PIP4P2: variants seen among roughly 807,000 people sequenced by gnomAD.
PIP4P2 encodes type 2 phosphatidylinositol 4,5-bisphosphate 4-phosphatase.
Under a neutral mutation model 33.3 loss-of-function variants are expected in PIP4P2, and 19 were observed. That is an observed-to-expected ratio of 0.57 (90% CI 0.40 to 0.84). PIP4P2 has a LOEUF of 0.84. PIP4P2 is among the 40% of genes least tolerant of loss of function. The pLI is 0.00. For synonymous variants in PIP4P2, 110 were observed against 111.9 expected, an observed-to-expected ratio of 0.98 and a Z score of 0.11; for missense variants, 270 against 324.7, an observed-to-expected ratio of 0.83 and a Z score of 1.29.
At chr8:91,040,623 A>G in intron 1 of PIP4P2, 21 bp downstream of exon 1, 1 of 1,613,098 alleles carries the variant, frequency 6.2e-7, no homozygotes, top group Non-Finnish European at 8.5e-7. Flanking sequence ...TGCAAAGTAG[A>G]GGGATCTACG....
Position 90,995,816 on chromosome 8 carries a change from C to A in PIP4P2, c.635G>T (p.Gly212Val), listed in dbSNP as rs73694351. The A allele has an allele frequency of 1.7e-4, 278 of 1,594,556 alleles. No individual in the cohort carries two copies. The African/African-American group carries it at 3.6e-3, about 21-fold the overall frequency. ...CIFIGVGLTV[G>V]TPDFARRFRA... ...AAATCGCCTTGCAAAATCTGGGGTGCCAACCTAAAATAAAAAGCAATATAA... is the reference window on the plus strand; with the variant it reads ...AAATCGCCTTGCAAAATCTGGGGTGACAACCTAAAATAAAAAGCAATATAA... Residue 212 changes from glycine (G) to valine (V), a missense_variant, in exon 7 of 7, where the codon GGC becomes GTC. Gly to Val is a moderately radical substitution (Grantham distance 109, BLOSUM62 -3). Coordinates refer to ENST00000285419, the MANE Select transcript of PIP4P2 (RefSeq NM_018710.3).
chr8:91,018,446 G>T lies in PIP4P2; in HGVS notation c.430C>A (p.Pro144Thr), dbSNP rs1275223371. 6.2e-7 allele frequency: 1 copy of T among 1,613,908 alleles called. No individual in the cohort carries two copies. The highest frequency in any genetic ancestry group is 8.5e-7 in the Non-Finnish European group (1 of 1,179,936). ...SEEQPAQPAL[P>T]IQPEGTRVVC... ...ACCCTTGTACCTTCTGGTTGGATTG[G>T]CAATGCAGGCTGAGCTGGTTGTTCT... is the stretch of plus-strand genomic sequence containing the variant. Residue 144 changes from proline to threonine, a missense_variant, in exon 4 of 7, where the codon CCA becomes ACA. Coordinates refer to ENST00000285419, the MANE Select transcript of PIP4P2 (RefSeq NM_018710.3).
Position 91,021,386 on chromosome 8 carries a change from T to A in PIP4P2, c.125A>T (p.Tyr42Phe), listed in dbSNP as rs780923151. The A allele has an allele frequency of 1.2e-6, 2 of 1,613,770 alleles. No individual in the cohort carries two copies. The highest frequency in any genetic ancestry group is 2.2e-5 in the South Asian group (2 of 91,068). ...GGCGTCTGGACTGGCAATGGCTGTA[T>A]ATGGAGGTGGGAGCTCCGCTGAAAA... ...SSPRAELPPP[Y>F]TAIASPDASG... is the part of the protein sequence containing the mutation. Residue 42 changes from tyrosine to phenylalanine, a missense_variant, in exon 2 of 7, where the codon TAT becomes TTT. Tyr to Phe is a conservative substitution (Grantham distance 22). Transcript: ENST00000285419.
intron 3 of PIP4P2, 27 bp downstream of exon 3, chr8:91,020,130 A>C (rs781416051): frequency 1.2e-6 from 2 of 1,603,200 alleles, no homozygotes; most frequent in Non-Finnish European, 1.7e-6. Context: ...AAATGAATGA[A>C]TCAATGAATT....
At chr8:91,040,296 C>T (rs1586190121) in intron 1 of PIP4P2, among the ~76,000 whole-genome samples, 1 of 152,268 alleles carries the variant, frequency 6.6e-6, no homozygotes, top group East Asian at 1.9e-4. Context: ...CCTAGCTGCG[C>T]TTAGGGGCTG....
At chr8:91,026,244 T>G (rs1430821489) in intron 1 of PIP4P2, among the ~76,000 whole-genome samples, 1 of 152,134 alleles carries the variant, frequency 6.6e-6, no homozygotes, top group Non-Finnish European at 1.5e-5. Flanking sequence ...TTGCTGTTTC[T>G]CTGAACATCA....
In PIP4P2 at chr8:91,010,252, TTGTAA is replaced by T. The variant is rs76543051; in HGVS notation, c.487-1462_487-1458del. Among the ~76,000 whole-genome samples the T allele has an allele frequency of 5.7e-3, 862 of 152,024 alleles. 1 individual carries two copies. Among genetic ancestry groups the T allele is most frequent in the Non-Finnish European group, 9.6e-3 (651 of 67,806 alleles). On this transcript the variant is annotated intron_variant, in intron 4 of 6. Transcript: ENST00000285419. ...TACAGGCTTAGGATAGTTACTGAAC[TTGTAA>T]TGTCATTTCAAATGTTATTTATAAA...
intron 4 of PIP4P2, 66 bp downstream of exon 4, chr8:91,018,324 C>T (rs1051171610): frequency 1.4e-5 from 23 of 1,603,526 alleles, no homozygotes; most frequent in Non-Finnish European, 1.9e-5. Flanking sequence ...AGACTATGAG[C>T]AGTGCTCTAA....
chr8:91,006,090 A>G (rs7831333), intron 5 of PIP4P2, among the ~76,000 whole-genome samples: 73,424 of 152,110 alleles, frequency 0.48, 20,727 homozygotes, highest in Non-Finnish European at 0.64. Context: ...TCTGTAACTT[A>G]AAACTAATTT....
rs1811621267 is a variant in PIP4P2, at chr8:90,995,781, A to T, written c.670T>A (p.Tyr224Asn). 6.2e-7 allele frequency: 1 copy of T among 1,610,844 alleles called. No individual in the cohort carries two copies. Reference protein sequence around the residue: ...PDFARRFRATYVSWAIAYLLG... With the variant: ...PDFARRFRATNVSWAIAYLLG... ...AGATAAGCAATTGCCCAAGAAACATAGGTTGCTCGAAATCGCCTTGCAAAA... is the reference window on the plus strand; with the variant it reads ...AGATAAGCAATTGCCCAAGAAACATTGGTTGCTCGAAATCGCCTTGCAAAA... The change falls in exon 7 of 7, where the codon TAT becomes AAT. Residue 224 changes from tyrosine to asparagine, a missense_variant. Transcript: ENST00000285419.
In PIP4P2 at chr8:91,033,127, C is replaced by T. The variant is rs142758379; in HGVS notation, c.106+7517G>A. On this transcript the variant is annotated intron_variant, in intron 1 of 6. Transcript: ENST00000285419. ...CCCTCTCCAGGAAAATGCTACTGTACATTTAATAAATAATTGTTGAATGAA... is the reference window on the plus strand; with the variant it reads ...CCCTCTCCAGGAAAATGCTACTGTATATTTAATAAATAATTGTTGAATGAA... Among the ~76,000 whole-genome samples, 467 of 152,342 alleles carry T rather than the reference C, an allele frequency of 3.1e-3. 3 individuals are homozygous for T. Among genetic ancestry groups the T allele is most frequent in the African/African-American group, 0.01 (436 of 41,582 alleles).
rs150731049 is a variant in PIP4P2 at position 91,024,408 on chromosome 8, A to C, written c.107-3004T>G. On this transcript the variant is annotated intron_variant, in intron 1 of 6. Transcript: ENST00000285419. ...AAGATTATTAATTTAAATGATTAAT[A>C]ATTGGATTATTATAGATTAAACCTA... 163 of 382,978 alleles carry C rather than the reference A, an allele frequency of 4.3e-4. 2 individuals are homozygous for C. The East Asian group carries it at 0.012, about 28-fold the overall frequency. The allele number at this position is 382,978 out of a possible 1,614,324, so 23.7% of individuals were successfully genotyped here. A position where few individuals can be genotyped will look rare whatever the true frequency, so the allele number is the denominator to read the frequency against.
At chr8:91,015,589 G>C (rs895018246) in intron 4 of PIP4P2, among the ~76,000 whole-genome samples, 2 of 152,160 alleles carry the variant, frequency 1.3e-5, no homozygotes, top group South Asian at 2.1e-4. Flanking sequence ...GTGCCATAAA[G>C]AAATAGCACT....
At chr8:91,004,602 C>G (rs1811743752) in intron 5 of PIP4P2, among the ~76,000 whole-genome samples, 1 of 152,092 alleles carries the variant, frequency 6.6e-6, no homozygotes, top group African/African-American at 2.4e-5. Context: ...TTCATTAGAG[C>G]AAATTCAGTG....
At chr8:91,021,231 T>A (rs1165642709) in intron 2 of PIP4P2, 25 bp downstream of exon 2, 10 of 1,610,802 alleles carry the variant, frequency 6.2e-6, no homozygotes, top group Non-Finnish European at 8.5e-6. Flanking sequence ...AATTTATATT[T>A]TTTCTAATGG....
At chr8:91,017,255 C>T (rs926560951) in intron 4 of PIP4P2, among the ~76,000 whole-genome samples, 2 of 152,044 alleles carry the variant, frequency 1.3e-5, no homozygotes, top group African/African-American at 4.8e-5. Flanking sequence ...AAAAATTAGC[C>T]AGGTGTGGTG....
At chr8:91,017,644 T>A (rs1376702433) in intron 4 of PIP4P2, among the ~76,000 whole-genome samples, 1 of 152,100 alleles carries the variant, frequency 6.6e-6, no homozygotes, top group Non-Finnish European at 1.5e-5. Context: ...CATTCATGTC[T>A]TAGTGACAGC....
chr8:91,023,194 T>C (rs978493321), intron 1 of PIP4P2, among the ~76,000 whole-genome samples: 1 of 150,912 alleles, frequency 6.6e-6, no homozygotes, highest in Non-Finnish European at 1.5e-5. Flanking sequence ...ATAATGAATA[T>C]TATTTTAATA....
chr8:91,020,333 T>A, intron 2 of PIP4P2, 70 bp from the exon 3 acceptor site: 1 of 1,412,710 alleles, frequency 7.1e-7, no homozygotes, highest in Non-Finnish European at 1.0e-6. Flanking sequence ...TGTTTGTGTT[T>A]AAAAAGGAAA....
Sources: gnomAD v4.1 joint callset for allele counts (sites outside exome capture counted in the v4.1 genomes callset) on GRCh38, gnomAD v4.1.1 for gene constraint, MANE v1.5 for transcripts, NCBI Gene and HGNC (gene_info 2026-07-23, HGNC 2026-07-21) for gene names.